Variants in HYCC1 observed in about 807,000 individuals in gnomAD.
HYCC1 encodes hyccin.
the HYCC1 span, among the ~76,000 whole-genome samples, chr7:22,955,317 G>A: frequency 2.7e-5 from 4 of 145,878 alleles, no homozygotes; most frequent in African/African-American, 7.6e-5. Context: ...TTTGTAGCTA[G>A]TAAAACAAAC....
the HYCC1 span, among the ~76,000 whole-genome samples, chr7:22,972,607 T>C: frequency 2.0e-5 from 3 of 152,264 alleles, no homozygotes; most frequent in Non-Finnish European, 2.9e-5. Flanking sequence ...CTCTGGCATA[T>C]ACTAGCAAAA....
At chr7:22,940,390 TAC>T in the HYCC1 span, 4 of 151,884 alleles carry the variant, frequency 2.6e-5, no homozygotes, top group African/African-American at 4.8e-5. Context: ...TAGCTGGGAC[TAC>T]AGGTGCCCGC....
chr7:22,903,751 T>C, the HYCC1 span, among the ~76,000 whole-genome samples: 3 of 152,216 alleles, frequency 2.0e-5, no homozygotes, highest in Admixed American at 1.3e-4. Context: ...TAAAATGACA[T>C]ACTAATATCC....
chr7:22,945,926 G>A, the HYCC1 span: 1 of 1,613,878 alleles, frequency 6.2e-7, no homozygotes. Context: ...GGCTCTCTGA[G>A]TTTGTTTTCG....
chr7:22,902,807 A>T, the HYCC1 span, among the ~76,000 whole-genome samples: 2 of 152,156 alleles, frequency 1.3e-5, no homozygotes, highest in Non-Finnish European at 2.9e-5. Context: ...TAAAACTATA[A>T]AACTTCCAGA....
At chr7:22,945,901 A>C in the HYCC1 span, 1 of 1,613,884 alleles carries the variant, frequency 6.2e-7, no homozygotes, top group Non-Finnish European at 8.5e-7. Context: ...AGAGAAGCTC[A>C]AGATTCTCAC....
chr7:22,967,598 G>A, the HYCC1 span, among the ~76,000 whole-genome samples: 3 of 152,128 alleles, frequency 2.0e-5, no homozygotes, highest in African/African-American at 4.8e-5. Flanking sequence ...TTGGTCTTCC[G>A]ATAACATCAC....
chr7:23,006,230 GATAAAT>G, the HYCC1 span, among the ~76,000 whole-genome samples: 2 of 152,098 alleles, frequency 1.3e-5, no homozygotes, highest in Non-Finnish European at 2.9e-5. Flanking sequence ...AGTTCAAAAA[GATAAAT>G]ATAGAGTTTA....
At chr7:23,011,505 TGTTA>T in the HYCC1 span, among the ~76,000 whole-genome samples, 3 of 152,130 alleles carry the variant, frequency 2.0e-5, no homozygotes, top group African/African-American at 7.2e-5. Context: ...GATTAGGACT[TGTTA>T]GTTTTTCCCT....
chr7:22,957,981 TA>T, the HYCC1 span, among the ~76,000 whole-genome samples: 1 of 151,478 alleles, frequency 6.6e-6, no homozygotes, highest in South Asian at 2.1e-4. Flanking sequence ...ACAATTAAAT[TA>T]AAAAATCTAT....
chr7:22,961,994 G>A, the HYCC1 span, among the ~76,000 whole-genome samples: 2 of 151,952 alleles, frequency 1.3e-5, no homozygotes, highest in African/African-American at 4.8e-5. Context: ...AAAATAAAGA[G>A]GTATAAATTA....
the HYCC1 span, among the ~76,000 whole-genome samples, chr7:22,911,896 C>G: frequency 9.2e-5 from 14 of 152,334 alleles, no homozygotes; most frequent in Non-Finnish European, 1.8e-4. Flanking sequence ...TCTTTATCCT[C>G]TTTTCAAAGA....
At chr7:22,960,284 T>C in the HYCC1 span, 177 of 1,613,812 alleles carry the variant, frequency 1.1e-4, no homozygotes, top group Admixed American at 1.2e-3. Context: ...GACCCCTTAT[T>C]GACATGCTGG....
the HYCC1 span, among the ~76,000 whole-genome samples, chr7:22,977,093 C>A: frequency 6.8e-6 from 1 of 148,140 alleles, no homozygotes; most frequent in Admixed American, 6.8e-5. Flanking sequence ...AGTAGCCATC[C>A]ATCAGGAAGA....
At chr7:23,013,898 C>T in the HYCC1 span, 2 of 463,742 alleles carry the variant, frequency 4.3e-6, no homozygotes, top group Non-Finnish European at 8.9e-6. Context: ...CCTGGGGGCC[C>T]GGCGTGGGTC....
chr7:22,995,068 T>A, the HYCC1 span, among the ~76,000 whole-genome samples: 1 of 152,198 alleles, frequency 6.6e-6, no homozygotes, highest in Non-Finnish European at 1.5e-5. Flanking sequence ...TTTCCCTGCA[T>A]GCAAGCTTAC....
the HYCC1 span, chr7:22,935,766 C>T: frequency 6.6e-6 from 1 of 152,100 alleles, no homozygotes; most frequent in Non-Finnish European, 1.5e-5. Flanking sequence ...CTGCCACAGC[C>T]TCCTGAGTAG....
At chr7:22,927,239 T>C in the HYCC1 span, among the ~76,000 whole-genome samples, 2 of 151,880 alleles carry the variant, frequency 1.3e-5, no homozygotes, top group Non-Finnish European at 2.9e-5. Context: ...AGGAAAGATC[T>C]AAAACTGACA....
the HYCC1 span, among the ~76,000 whole-genome samples, chr7:22,922,384 T>C: frequency 6.6e-6 from 1 of 152,188 alleles, no homozygotes; most frequent in Non-Finnish European, 1.5e-5. Context: ...CAAAAATGCA[T>C]TTAATACATC....
Sources: allele counts gnomAD v4.1 joint callset (sites outside exome capture counted in the v4.1 genomes callset), GRCh38; gene constraint gnomAD v4.1.1; transcripts MANE v1.5; gene names NCBI Gene and HGNC (gene_info 2026-07-23, HGNC 2026-07-21).